The following FYCO1 variants were observed in gnomAD, a reference collection of about 807,000 sequenced individuals.
FYCO1 encodes the protein FYVE and coiled-coil domain-containing protein 1.
A neutral mutation model predicts 165.1 loss-of-function variants in FYCO1; 122 were observed. That is an observed-to-expected ratio of 0.74 (90% confidence interval 0.64 to 0.86). The LOEUF (loss-of-function observed/expected upper bound fraction) is 0.86. FYCO1 is among the 40% of genes least tolerant of loss of function. The pLI, the probability that FYCO1 is intolerant of heterozygous loss-of-function variation, is 0.00. For missense variants in FYCO1, 1,702 were observed against 1,810.3 expected (o/e 0.94, Z 1.09); for synonymous variants, 648 against 742.5 (o/e 0.87, Z 2.07).
chr3:45,963,242 C>A (rs928349969), intron 10 of FYCO1, among the ~76,000 whole-genome samples: 15 of 151,648 alleles, frequency 9.9e-5, no homozygotes, highest in African/African-American at 3.6e-4. Flanking sequence ...ACACACACAC[C>A]ACACACACAC....
chr3:45,924,986 G>C lies in FYCO1; in HGVS notation c.4252-1221C>G, dbSNP rs551204075. Among the ~76,000 whole-genome samples, 11 of 151,862 alleles carry C rather than the reference G, an allele frequency of 7.2e-5. 1 individual carries two copies. The South Asian group carries it at 2.3e-3, about 32-fold the overall frequency. ...ACTCTGTTGCCCAGGCTAGAGTGCA[G>C]TGTCGTGATCTTGGCTCACTGCAAC... is the stretch of plus-strand genomic sequence containing the variant. On this transcript the variant is annotated intron_variant, in intron 16 of 17. Coordinates refer to ENST00000296137, the MANE Select transcript of FYCO1 (RefSeq NM_024513.4).
In FYCO1 at chr3:45,962,495, C is replaced by T; in HGVS notation, c.3270-103G>A. 1 of 1,043,932 alleles carries T rather than the reference C, an allele frequency of 9.6e-7. No individual in the cohort carries two copies. The highest frequency in any genetic ancestry group is 1.3e-5 in the South Asian group (1 of 78,804). 64.7% of individuals were successfully genotyped at this position (1,043,932 alleles called of 1,614,324 possible). On this transcript the variant is annotated intron_variant, in intron 10 of 17. Coordinates refer to ENST00000296137, the MANE Select transcript of FYCO1 (RefSeq NM_024513.4). This position sits in a 1 kb window ranked among gnomAD's most constrained non-coding sequence, Gnocchi z 4.4. The stretch of plus-strand genomic sequence containing the variant: ...TAATGAGGGGTGCTACTGCCCTCCG[C>T]CATGGGGGAGCCCCTTGGTATCTGC...
chr3:45,973,447 T>C (rs1324781846), intron 5 of FYCO1, among the ~76,000 whole-genome samples: 1 of 152,212 alleles, frequency 6.6e-6, no homozygotes, highest in South Asian at 2.1e-4. Flanking sequence ...TGGATGCTTA[T>C]TCATTTATTA....
In FYCO1 at chr3:45,984,935, A is replaced by G. The variant is rs749913206; in HGVS notation, c.-25T>C. ...TGGTGAGTTTGCCTTTCTTGTCTGT[A>G]TGTCTCCTGCCTGGGTCCAGAGGAA... On this transcript the variant is annotated 5_prime_UTR_variant, in exon 2 of 18. Coordinates refer to ENST00000296137, the MANE Select transcript of FYCO1 (RefSeq NM_024513.4). The G allele has an allele frequency of 8.1e-6, 13 of 1,613,382 alleles. No individual in the cohort carries two copies. The highest frequency in any genetic ancestry group is 1.0e-5 in the Non-Finnish European group (12 of 1,179,650).
At chr3:45,952,023 G>A (rs887237995) in intron 14 of FYCO1, among the ~76,000 whole-genome samples, 3 of 152,190 alleles carry the variant, frequency 2.0e-5, no homozygotes, top group Non-Finnish European at 2.9e-5. Context: ...CCAGTGGACT[G>A]GAGTCTAAAG....
chr3:45,931,101 C>T lies in FYCO1; in HGVS notation c.4221G>A (p.Glu1407=), dbSNP rs1703586683. 2 of 1,613,902 alleles carry T rather than the reference C, an allele frequency of 1.2e-6. No individual in the cohort carries two copies. ...KSISFSVVFQ[E]AEDTPLDQCK... ...ACTGATCCAGCGGTGTGTCCTCGGCCTCCTGGAAGACCACACTGAAGGAGA... is the reference window on the plus strand; with the variant it reads ...ACTGATCCAGCGGTGTGTCCTCGGCTTCCTGGAAGACCACACTGAAGGAGA... Residue 1407 remains glutamate, a synonymous_variant, in exon 16 of 18, where the codon GAG becomes GAA. Transcript: ENST00000296137.
chr3:45,967,440 T>C lies in FYCO1; in HGVS notation c.1894A>G (p.Asn632Asp). The C allele has an allele frequency of 6.2e-7, 1 of 1,613,596 alleles. No homozygotes were observed. The highest frequency in any genetic ancestry group is 1.7e-5 in the Admixed American group (1 of 60,034). Residue 632 changes from asparagine to aspartate, a missense_variant, in exon 8 of 18, where the codon AAC (asparagine) becomes GAC (aspartate). Transcript: ENST00000296137. ...EKELQNVVGR[N>D]QLLEGKLQAL... ...TGCAGCTTGCCCTCCAGGAGCTGGT[T>C]ACGCCCGACCACATTCTGTAGCTCC...
intron 16 of FYCO1, 29 bp from the exon 17 acceptor site, chr3:45,923,794 A>G: frequency 6.8e-7 from 1 of 1,469,540 alleles, no homozygotes; most frequent in South Asian, 1.1e-5. Context: ...AGGCAAAAAC[A>G]TCACAGAGGC....
At chr3:45,972,642 G>A (rs73830670) in intron 6 of FYCO1, among the ~76,000 whole-genome samples, 3,726 of 152,174 alleles carry the variant, frequency 0.024, 153 homozygotes, top group African/African-American at 0.081. Flanking sequence ...TGGCTTGATG[G>A]CCTCAGAAAA....
At chr3:45,974,506 A>C (rs1303299682) in intron 5 of FYCO1, among the ~76,000 whole-genome samples, 1 of 152,222 alleles carries the variant, frequency 6.6e-6, no homozygotes, top group Non-Finnish European at 1.5e-5. Flanking sequence ...CTCTATGCAA[A>C]TCAATCTTTA....
At chr3:45,990,613 C>T (rs1707514882) in intron 1 of FYCO1, among the ~76,000 whole-genome samples, 1 of 152,182 alleles carries the variant, frequency 6.6e-6, no homozygotes. Flanking sequence ...TCCCCTAGCA[C>T]AGTTCTGGCA....
chr3:45,949,727 G>A (rs1482888126), intron 14 of FYCO1, among the ~76,000 whole-genome samples: 1 of 152,048 alleles, frequency 6.6e-6, no homozygotes, highest in Admixed American at 6.6e-5. Context: ...GGACCATGGG[G>A]CTTTCCCTGA....
At chr3:45,970,097 A>G (rs933823002) in intron 6 of FYCO1, among the ~76,000 whole-genome samples, 2 of 152,218 alleles carry the variant, frequency 1.3e-5, no homozygotes, top group African/African-American at 4.8e-5. Flanking sequence ...AGCAGCAGTC[A>G]GTTTGGTAAA....
intron 6 of FYCO1, among the ~76,000 whole-genome samples, chr3:45,972,864 A>G (rs971924554): frequency 1.3e-5 from 2 of 152,236 alleles, no homozygotes; most frequent in African/African-American, 4.8e-5. Flanking sequence ...ACACATCTCC[A>G]CTGACTCATG....
intron 1 of FYCO1, among the ~76,000 whole-genome samples, chr3:45,994,883 A>G (rs1034782217): frequency 2.0e-5 from 3 of 151,004 alleles, no homozygotes; most frequent in Admixed American, 6.6e-5. Flanking sequence ...AGGCAGTTTC[A>G]ACAAGTGTTC....
intron 14 of FYCO1, among the ~76,000 whole-genome samples, chr3:45,937,338 T>C (rs1703954260): frequency 6.6e-6 from 1 of 152,228 alleles, no homozygotes; most frequent in Non-Finnish European, 1.5e-5. Flanking sequence ...CAATCTGTGC[T>C]CTTCCAGGAG....
At position 45,921,658 on chromosome 3, in the gene FYCO1, G is replaced by C; in HGVS notation, c.*107C>G. ...GCCTCTGAGGGGCAGCCCAGGGGCT[G>C]AGTTGATGATTTTGGAGCAGCTGAC... On this transcript the variant is annotated 3_prime_UTR_variant, in exon 18 of 18. Transcript: ENST00000296137. 1 of 804,918 alleles carries C rather than the reference G, an allele frequency of 1.2e-6. No homozygotes were observed. Among genetic ancestry groups the C allele is most frequent in the South Asian group, 1.4e-5 (1 of 70,510 alleles). 49.9% of individuals were successfully genotyped at this position (804,918 alleles called of 1,614,324 possible).
intron 14 of FYCO1, chr3:45,948,472 C>T (rs762385882): frequency 1.3e-4 from 20 of 152,352 alleles, no homozygotes; most frequent in South Asian, 2.1e-4. Flanking sequence ...TGCTCTATCA[C>T]GGAAATGGAA....
At position 45,967,659 on chromosome 3, in the gene FYCO1, G is replaced by A. The variant is rs574352767; in HGVS notation, c.1675C>T (p.Pro559Ser). Reference sequence around the variant, plus strand: ...GCCACTGGCAGTTCTGGGCCAGGCGGCCCAGCAAGCCGCTCGAGCATACCC... The same window carrying A: ...GCCACTGGCAGTTCTGGGCCAGGCGACCCAGCAAGCCGCTCGAGCATACCC... ...QVGMLERLAGPPGPELPVAGE... is the reference protein window; with the variant it reads ...QVGMLERLAGSPGPELPVAGE... The change falls in exon 8 of 18, where the codon CCG (proline) becomes TCG (serine). Residue 559 changes from proline to serine, a missense_variant. By Grantham distance (74) the Pro-to-Ser change is moderately conservative. Transcript: ENST00000296137. 398 of 1,609,802 alleles carry A rather than the reference G, an allele frequency of 2.5e-4. 2 individuals carry two copies. Among genetic ancestry groups the A allele is most frequent in the South Asian group, 1.6e-3 (143 of 91,032 alleles).
Sources: gnomAD v4.1 joint callset for allele counts (sites outside exome capture counted in the v4.1 genomes callset) on GRCh38, gnomAD v4.1.1 for gene constraint, Gnocchi (gnomAD v3.1) non-coding constraint, MANE v1.5 for transcripts, NCBI Gene and HGNC (gene_info 2026-07-23, HGNC 2026-07-21) for gene names.